The following GRK1 variants were observed in gnomAD, a reference collection of about 807,000 sequenced individuals.
The protein encoded by GRK1 is rhodopsin kinase GRK1.
Under a neutral mutation model 41.7 loss-of-function variants are expected in GRK1, and 28 were observed. The ratio of observed to expected loss-of-function variants is 0.67; its 90% CI spans 0.50 to 0.92. GRK1 has a LOEUF of 0.92. Ranked by LOEUF, GRK1 falls within the 40% of genes least tolerant of loss-of-function variation. The probability of loss-of-function intolerance (pLI) is 0.00; values close to 1 mark genes in which losing one functional copy is unlikely to be tolerated. For missense variants in GRK1, 703 were observed against 671.2 expected (o/e 1.05, Z -0.52); for synonymous variants, 327 against 286.7 (o/e 1.14, Z -1.42).
intron 4 of GRK1, among the ~76,000 whole-genome samples, chr13:113,728,458 T>C (rs1340212774): frequency 7.1e-6 from 1 of 139,926 alleles, no homozygotes; most frequent in Admixed American, 7.2e-5. Context: ...TGGCGAGGAG[T>C]ACCCATGGTG....
chr13:113,666,722 C>T (rs1030951161), upstream of GRK1, among the ~76,000 whole-genome samples: 6 of 152,280 alleles, frequency 3.9e-5, no homozygotes, highest in Middle Eastern at 3.4e-3. Context: ...ACTGACCCCT[C>T]AGTAAGCGCT....
intron 4 of GRK1, among the ~76,000 whole-genome samples, chr13:113,725,321 AT>A (rs1404611698): frequency 6.9e-6 from 1 of 144,196 alleles, no homozygotes; most frequent in South Asian, 2.3e-4. Context: ...CAGGGGCGGG[AT>A]CCAGGGGCGT....
At chr13:113,728,938 G>A (rs1356741699) in intron 4 of GRK1, among the ~76,000 whole-genome samples, 2 of 152,154 alleles carry the variant, frequency 1.3e-5, no homozygotes, top group African/African-American at 2.4e-5. Context: ...GAGAGGAGAG[G>A]ACCCCATGCC....
At chr13:113,649,416 C>T in the GRK1 span, 221 of 1,590,076 alleles carry the variant, frequency 1.4e-4, 1 homozygote, top group South Asian at 5.2e-4. The surrounding 1 kb of genome is among the most constrained non-coding windows in gnomAD (Gnocchi z 4.7). Flanking sequence ...TCCCTTCATA[C>T]GGGTCGTGGG....
At chr13:113,733,702 TGC>T (rs1566699683) in intron 6 of GRK1, among the ~76,000 whole-genome samples, 1 of 144,914 alleles carries the variant, frequency 6.9e-6, no homozygotes, top group African/African-American at 2.6e-5. Flanking sequence ...CATACATGTG[TGC>T]GTGTGTGCGC....
chr13:113,667,401 T>A lies in GRK1; in HGVS notation c.15T>A (p.Ser5=), dbSNP rs2049825440. The change falls in exon 1 of 7, where the codon TCT becomes TCA. Residue 5 remains serine, a synonymous_variant. Coordinates refer to ENST00000335678, the MANE Select transcript of GRK1 (RefSeq NM_002929.3). The surrounding 1 kb of genome is among the most constrained non-coding windows in gnomAD (Gnocchi z 7.5). ...GAAGCTCCGGGATGGATTTCGGGTC[T>A]TTGGAGACCGTGGTGGCCAACTCTG... MDFG[S]LETVVANSAF... The A allele has an allele frequency of 1.9e-6, 3 of 1,582,360 alleles. No individual in the cohort carries two copies. Among genetic ancestry groups the A allele is most frequent in the Non-Finnish European group, 2.6e-6 (3 of 1,163,730 alleles).
upstream of GRK1, among the ~76,000 whole-genome samples, chr13:113,664,265 G>A (rs746792205): frequency 6.6e-6 from 1 of 152,178 alleles, no homozygotes; most frequent in Non-Finnish European, 1.5e-5. The surrounding 1 kb of genome is among the most constrained non-coding windows in gnomAD (Gnocchi z 5.4). Context: ...GGAGGGTCCC[G>A]TGGATGGAGG....
chr13:113,652,737 A>G, the GRK1 span: 1 of 981,774 alleles, frequency 1.0e-6, no homozygotes, highest in Non-Finnish European at 1.6e-6. Context: ...ACCAAGGTAC[A>G]GGGTGGTGAG....
Position 113,671,457 on chromosome 13 carries a change from C to T in GRK1, c.828-42C>T. The T allele has an allele frequency of 1.3e-6, 1 of 775,472 alleles. No individual in the cohort carries two copies. The highest frequency in any genetic ancestry group is 2.4e-6 in the Non-Finnish European group (1 of 417,714). The allele number at this position is 775,472 out of a possible 1,614,324, so 48.0% of individuals were successfully genotyped here. On this transcript the variant is annotated intron_variant, in intron 2 of 6. Coordinates refer to ENST00000335678, the MANE Select transcript of GRK1 (RefSeq NM_002929.3). This position sits in a 1 kb window ranked among gnomAD's most constrained non-coding sequence, Gnocchi z 4.1. ...TCTGTCTTTCCATGATTTTACTCCC[C>T]ATTAAACCCGGGGTGCATGGTTCCC...
At chr13:113,733,966 G>GTGTGTGCA (rs2049978405) in intron 6 of GRK1, among the ~76,000 whole-genome samples, 1 of 120,968 alleles carries the variant, frequency 8.3e-6, no homozygotes, top group African/African-American at 3.6e-5. Context: ...ATACGTGTGT[G>GTGTGTGCA]TGCGTGTGTG....
upstream of GRK1, among the ~76,000 whole-genome samples, chr13:113,665,714 ATATCCCAGGTGTGCCCCAGC>A (rs2049813523): frequency 9.3e-6 from 1 of 107,404 alleles, no homozygotes; most frequent in Non-Finnish European, 1.9e-5. Context: ...TGCCCCAGGC[ATATCCCAGGTGTGCCCCAGC>A]TGTCCCAGGT....
intron 6 of GRK1, among the ~76,000 whole-genome samples, chr13:113,733,619 G>C (rs1438137903): frequency 6.6e-6 from 1 of 151,216 alleles, no homozygotes; most frequent in East Asian, 2.0e-4. Flanking sequence ...GTGTATGTGT[G>C]TGCATACGTG....
intron 1 of GRK1, 57 bp from the exon 2 acceptor site, chr13:113,669,630 T>G (rs898175222): frequency 3.2e-5 from 51 of 1,608,698 alleles, no homozygotes; most frequent in Non-Finnish European, 4.3e-5. Context: ...GTCTCTGCGA[T>G]GCACCTAGTC....
At chr13:113,669,502 G>C (rs2049841762) in intron 1 of GRK1, 185 bp from the exon 2 acceptor site, 1 of 201,224 alleles carries the variant, frequency 5.0e-6, no homozygotes, top group South Asian at 1.8e-4. Flanking sequence ...CTGGTTTTCT[G>C]AAATGGGGGT....
chr13:113,668,342 G>T (rs117198138), intron 1 of GRK1, among the ~76,000 whole-genome samples: 1 of 152,228 alleles, frequency 6.6e-6, no homozygotes, highest in East Asian at 1.9e-4. Flanking sequence ...TTCACTCGTC[G>T]GTTTTTCACC....
the GRK1 span, among the ~76,000 whole-genome samples, chr13:113,652,048 ACT>A: frequency 1.3e-5 from 2 of 152,208 alleles, no homozygotes; most frequent in Admixed American, 1.3e-4. Context: ...CCGGTGGAGC[ACT>A]GAGACAGAGC....
At chr13:113,657,458 T>C in the GRK1 span, among the ~76,000 whole-genome samples, 6 of 152,190 alleles carry the variant, frequency 3.9e-5, no homozygotes, top group Non-Finnish European at 7.4e-5. Context: ...GGCATCTGCT[T>C]TCCTCCCAGG....
the GRK1 span, among the ~76,000 whole-genome samples, chr13:113,659,340 C>T: frequency 6.6e-6 from 1 of 152,182 alleles, no homozygotes; most frequent in Non-Finnish European, 1.5e-5. Context: ...AAATATGATT[C>T]GAAGTCGACT....
chr13:113,650,603 T>C, the GRK1 span: 4 of 863,926 alleles, frequency 4.6e-6, no homozygotes, highest in East Asian at 9.9e-5. The surrounding 1 kb of genome is among the most constrained non-coding windows in gnomAD (Gnocchi z 5.0). Context: ...ACACGCGCTG[T>C]GTAGGTGCTT....
Sources: gnomAD v4.1 joint callset for allele counts (sites outside exome capture counted in the v4.1 genomes callset) on GRCh38, gnomAD v4.1.1 for gene constraint, Gnocchi (gnomAD v3.1) non-coding constraint, MANE v1.5 for transcripts, NCBI Gene and HGNC (gene_info 2026-07-23, HGNC 2026-07-21) for gene names.